The following C10orf90 variants were observed in gnomAD, a reference collection of about 807,000 sequenced individuals.
C10orf90 encodes the protein chromosome 10 open reading frame 90.
In C10orf90, 56 loss-of-function variants were observed where a neutral mutation model predicts 62.5. The observed-to-expected ratio is 0.90, with a 90% CI of 0.72 to 1.12. The LOEUF (loss-of-function observed/expected upper bound fraction) is 1.12. Among genes scored for constraint, C10orf90 ranks in the 50% most tolerant of loss-of-function variants. The probability of loss-of-function intolerance (pLI) is 0.00; values close to 1 mark genes in which losing one functional copy is unlikely to be tolerated. For missense variants in C10orf90, 970 were observed against 880.4 expected, an observed-to-expected ratio of 1.10 and a Z score of -1.29; for synonymous variants, 386 against 340.4, an observed-to-expected ratio of 1.13 and a Z score of -1.47.
intron 2 of C10orf90, among the ~76,000 whole-genome samples, chr10:126,578,719 G>A (rs1350818005): frequency 6.6e-6 from 1 of 152,186 alleles, no homozygotes; most frequent in Non-Finnish European, 1.5e-5. Context: ...TGCCCAGAAT[G>A]GGTAACTAAA....
At chr10:126,496,476 C>T (rs1401241296) in intron 4 of C10orf90, among the ~76,000 whole-genome samples, 1 of 152,176 alleles carries the variant, frequency 6.6e-6, no homozygotes, top group Non-Finnish European at 1.5e-5. Context: ...TATATATTTT[C>T]TCTTCTTTAA....
chr10:126,544,226 C>T (rs1480976170), intron 2 of C10orf90, among the ~76,000 whole-genome samples: 1 of 152,234 alleles, frequency 6.6e-6, no homozygotes, highest in Non-Finnish European at 1.5e-5. Flanking sequence ...CTGTGACATA[C>T]ATTTGTCCTT....
intron 2 of C10orf90, among the ~76,000 whole-genome samples, chr10:126,612,610 A>G (rs1845461303): frequency 6.6e-6 from 1 of 152,194 alleles, no homozygotes; most frequent in African/African-American, 2.4e-5. Flanking sequence ...TGTCTTTTTT[A>G]TGTAGAAAAG....
At chr10:126,496,411 C>A (rs1351908586) in intron 4 of C10orf90, among the ~76,000 whole-genome samples, 2 of 152,178 alleles carry the variant, frequency 1.3e-5, no homozygotes, top group African/African-American at 4.8e-5. Flanking sequence ...CAAGACTTAT[C>A]AAGAGATAAA....
At chr10:126,523,750 C>A (rs1246494887) in intron 2 of C10orf90, among the ~76,000 whole-genome samples, 1 of 152,008 alleles carries the variant, frequency 6.6e-6, no homozygotes, top group African/African-American at 2.4e-5. Context: ...CTTCCCCCAG[C>A]CCCTAACAAC....
At chr10:126,547,214 TC>T (rs1192938478) in intron 2 of C10orf90, among the ~76,000 whole-genome samples, 1 of 151,744 alleles carries the variant, frequency 6.6e-6, no homozygotes, top group South Asian at 2.1e-4. Flanking sequence ...GGTCAGGAGA[TC>T]GAGACCATCC....
intron 2 of C10orf90, among the ~76,000 whole-genome samples, chr10:126,614,319 C>A (rs1845497433): frequency 6.6e-6 from 1 of 152,220 alleles, no homozygotes; most frequent in South Asian, 2.1e-4. Flanking sequence ...AAAGGAATCA[C>A]AATGTCTAGT....
intron 3 of C10orf90, among the ~76,000 whole-genome samples, chr10:126,510,295 A>G (rs1041552439): frequency 1.3e-5 from 2 of 152,200 alleles, no homozygotes. Flanking sequence ...TCAGAAACCA[A>G]GAAGGGGATG....
At chr10:126,461,826 C>A (rs373284505) in intron 5 of C10orf90, among the ~76,000 whole-genome samples, 3 of 151,988 alleles carry the variant, frequency 2.0e-5, no homozygotes, top group Admixed American at 6.6e-5. Context: ...GGAGGTATTC[C>A]GTAGGCTTCT....
chr10:126,597,364 A>G (rs1249165038), intron 2 of C10orf90, among the ~76,000 whole-genome samples: 1 of 152,248 alleles, frequency 6.6e-6, no homozygotes, highest in African/African-American at 2.4e-5. Flanking sequence ...ACATGTGTTC[A>G]TCAGCCTAGA....
At chr10:126,663,367 T>C (rs914041463) in intron 1 of C10orf90, among the ~76,000 whole-genome samples, 1 of 151,760 alleles carries the variant, frequency 6.6e-6, no homozygotes, top group Non-Finnish European at 1.5e-5. Context: ...GTGAGAAGTA[T>C]AATCTGCAGA....
intron 7 of C10orf90, among the ~76,000 whole-genome samples, chr10:126,445,902 A>G (rs1029437524): frequency 6.6e-6 from 1 of 151,546 alleles, no homozygotes; most frequent in Non-Finnish European, 1.5e-5. Flanking sequence ...ATTGGAGACT[A>G]ATACTGTAAC....
chr10:126,649,062 CTCT>C (rs1846233975), intron 1 of C10orf90, among the ~76,000 whole-genome samples: 2 of 62,052 alleles, frequency 3.2e-5, no homozygotes, highest in Admixed American at 1.7e-4. Context: ...CTCTCTCTCT[CTCT>C]CTCTCTCCCC....
chr10:126,556,083 G>T lies in C10orf90; in HGVS notation c.314-42144C>A, dbSNP rs144953146. ...CTAGCCTGCATCAGATGATAAACGA[G>T]TCTCCACTTTCTGATAGTATCAAAA... On this transcript the variant is annotated intron_variant, in intron 2 of 9. Transcript: ENST00000488181. Among the ~76,000 whole-genome samples, 449 of 152,310 alleles carry T rather than the reference G, an allele frequency of 2.9e-3. 3 individuals carry two copies. The highest frequency in any genetic ancestry group is 5.0e-3 in the Non-Finnish European group (339 of 68,032).
At chr10:126,435,858 T>A (rs143309844) in intron 7 of C10orf90, among the ~76,000 whole-genome samples, 1 of 152,140 alleles carries the variant, frequency 6.6e-6, no homozygotes, top group Non-Finnish European at 1.5e-5. Flanking sequence ...AAGTGGCACA[T>A]GAACTCCTGG....
chr10:126,667,338 G>A (rs952642988), intron 1 of C10orf90, among the ~76,000 whole-genome samples: 3 of 151,782 alleles, frequency 2.0e-5, no homozygotes, highest in Admixed American at 6.6e-5. Flanking sequence ...GATTACAGGC[G>A]TGAGCCACCA....
At chr10:126,452,958 G>A (rs949774219) in intron 7 of C10orf90, among the ~76,000 whole-genome samples, 2 of 152,186 alleles carry the variant, frequency 1.3e-5, no homozygotes, top group African/African-American at 4.8e-5. Flanking sequence ...TCAACAGGAA[G>A]GATAGTGCAG....
intron 2 of C10orf90, among the ~76,000 whole-genome samples, chr10:126,611,227 T>C (rs1591142656): frequency 1.3e-5 from 2 of 152,200 alleles, no homozygotes; most frequent in South Asian, 4.1e-4. Flanking sequence ...GGACATTTCG[T>C]ATAAATGGAT....
chr10:126,649,154 C>T (rs1468539331), intron 1 of C10orf90, among the ~76,000 whole-genome samples: 3 of 150,598 alleles, frequency 2.0e-5, no homozygotes, highest in East Asian at 3.9e-4. Flanking sequence ...CTCCAAAGCC[C>T]GGAACCATGT....
Sources: gnomAD v4.1 joint callset for allele counts (sites outside exome capture counted in the v4.1 genomes callset) on GRCh38, gnomAD v4.1.1 for gene constraint, MANE v1.5 for transcripts, NCBI Gene and HGNC (gene_info 2026-07-23, HGNC 2026-07-21) for gene names.